The following TASP1 variants were observed in gnomAD, a reference collection of about 807,000 sequenced individuals.
TASP1 encodes the protein taspase 1.
A neutral mutation model predicts 56.6 loss-of-function variants in TASP1; 16 were observed. The observed-to-expected ratio is 0.28, with a 90% confidence interval of 0.19 to 0.43. The LOEUF (loss-of-function observed/expected upper bound fraction) is 0.43, where lower values mean the gene tolerates loss of function less well. Ranked by LOEUF, TASP1 falls within the 20% of genes least tolerant of loss-of-function variation. The pLI, the probability that TASP1 is intolerant of heterozygous loss-of-function variation, is 1.00. For missense variants in TASP1, 393 were observed against 511.6 expected, an observed-to-expected ratio of 0.77 and a Z score of 2.24; for synonymous variants, 179 against 184.2, an observed-to-expected ratio of 0.97 and a Z score of 0.23.
chr20:13,542,047 A>G (rs944372844), intron 8 of TASP1, among the ~76,000 whole-genome samples: 13 of 148,514 alleles, frequency 8.8e-5, no homozygotes, highest in Admixed American at 7.4e-4. Flanking sequence ...TCCGTCTCCA[A>G]AAAAAAAAAA....
intron 8 of TASP1, among the ~76,000 whole-genome samples, chr20:13,551,382 A>G (rs1186795146): frequency 6.6e-6 from 1 of 152,178 alleles, no homozygotes; most frequent in African/African-American, 2.4e-5. Flanking sequence ...GAGGCAAATA[A>G]TTATGTACAT....
chr20:13,384,796 C>T (rs1175479171), downstream of TASP1, among the ~76,000 whole-genome samples: 4 of 152,194 alleles, frequency 2.6e-5, no homozygotes, highest in African/African-American at 9.7e-5. Context: ...ACAACTTAAT[C>T]ATACACATTA....
At chr20:13,360,477 C>G in the TASP1 span, among the ~76,000 whole-genome samples, 34 of 152,162 alleles carry the variant, frequency 2.2e-4, no homozygotes, top group African/African-American at 8.2e-4. Flanking sequence ...CAACTCCTTT[C>G]CTTCCTAGGC....
chr20:13,279,842 G>T, the TASP1 span: 1 of 1,613,892 alleles, frequency 6.2e-7, no homozygotes, highest in Non-Finnish European at 8.5e-7. Context: ...CCCAGGGGGT[G>T]GGACCATACA....
the TASP1 span, among the ~76,000 whole-genome samples, chr20:13,237,381 C>T: frequency 3.3e-5 from 5 of 152,198 alleles, no homozygotes; most frequent in Admixed American, 2.0e-4. Flanking sequence ...GTTAAGTGTA[C>T]ACAGTGGGAA....
At chr20:13,196,291 G>C in the TASP1 span, among the ~76,000 whole-genome samples, 1 of 152,128 alleles carries the variant, frequency 6.6e-6, no homozygotes, top group Non-Finnish European at 1.5e-5. Flanking sequence ...TATTATGCGA[G>C]TATTTTAAAA....
chr20:13,554,245 T>C (rs1185946185), intron 8 of TASP1, among the ~76,000 whole-genome samples: 1 of 152,150 alleles, frequency 6.6e-6, no homozygotes, highest in African/African-American at 2.4e-5. Flanking sequence ...TCCAAACTTA[T>C]TACTATGTGG....
intron 10 of TASP1, among the ~76,000 whole-genome samples, chr20:13,517,323 C>T (rs2044578380): frequency 6.6e-6 from 1 of 151,974 alleles, no homozygotes; most frequent in South Asian, 2.1e-4. Context: ...TTGCATGAGG[C>T]CAATTACAAG....
the TASP1 span, among the ~76,000 whole-genome samples, chr20:13,179,007 T>A: frequency 3.3e-5 from 5 of 152,162 alleles, no homozygotes. Context: ...ATACTTTATA[T>A]GTATCCAAAC....
chr20:13,572,601 G>A (rs1470463246), intron 6 of TASP1, among the ~76,000 whole-genome samples: 6 of 146,776 alleles, frequency 4.1e-5, no homozygotes, highest in Non-Finnish European at 5.9e-5. Context: ...CAGGAGAACC[G>A]CTTGAACTCG....
intron 8 of TASP1, among the ~76,000 whole-genome samples, chr20:13,534,738 A>T (rs2045350811): frequency 6.6e-6 from 1 of 152,138 alleles, no homozygotes; most frequent in Non-Finnish European, 1.5e-5. Context: ...TATGGCAGAA[A>T]AGTGTACGTT....
intron 10 of TASP1, 83 bp from the exon 11 acceptor site, chr20:13,483,420 G>A (rs2043211707): frequency 8.2e-6 from 7 of 856,716 alleles, no homozygotes; most frequent in African/African-American, 1.7e-5. Flanking sequence ...ACACCCTTAT[G>A]CATCATTTAA....
intron 11 of TASP1, among the ~76,000 whole-genome samples, chr20:13,455,478 T>C (rs1217605322): frequency 1.3e-5 from 2 of 152,098 alleles, no homozygotes; most frequent in African/African-American, 4.8e-5. Flanking sequence ...TCAATTCTAC[T>C]AAAGTTGAAG....
intron 10 of TASP1, among the ~76,000 whole-genome samples, chr20:13,507,932 C>T (rs6033743): frequency 0.99 from 151,016 of 152,268 alleles, 74,896 homozygotes; most frequent in Middle Eastern, 1. Context: ...CCCACACATA[C>T]GCAGTCAACT....
chr20:13,195,937 G>C, the TASP1 span, among the ~76,000 whole-genome samples: 1 of 152,102 alleles, frequency 6.6e-6, no homozygotes. Flanking sequence ...CTCCAGAAAA[G>C]ATAAAACACA....
chr20:13,329,958 CT>C, the TASP1 span, among the ~76,000 whole-genome samples: 11,187 of 144,490 alleles, frequency 0.077, 570 homozygotes, highest in East Asian at 0.16. Context: ...TGTCAAATTC[CT>C]TTTTTTTTTT....
rs71334135 is a variant in TASP1, at chr20:13,588,250, AAAGGAAGGAAGGAAGGAAGGAAGG to A, written c.283-904_283-881del. Among the ~76,000 whole-genome samples, 538 of 96,634 alleles carry A rather than the reference AAAGGAAGGAAGGAAGGAAGGAAGG, an allele frequency of 5.6e-3. 1 individual carries two copies. Among genetic ancestry groups the A allele is most frequent in the East Asian group, 0.016 (58 of 3,546 alleles). 63.4% of individuals were successfully genotyped at this position (96,634 alleles called of 152,430 possible). On this transcript the variant is annotated intron_variant, in intron 4 of 13. Transcript: ENST00000337743. ...AAAAAGGAGAAAGAAAGAAAGGAAG[AAAGGAAGGAAGGAAGGAAGGAAGG>A]AAGGAAGGAAGGAAGGAAGGAAGGA...
chr20:13,412,925 T>C (rs566369648), intron 13 of TASP1, among the ~76,000 whole-genome samples: 2 of 152,292 alleles, frequency 1.3e-5, no homozygotes, highest in East Asian at 3.9e-4. Flanking sequence ...TATCATATCA[T>C]ATCACAGGAA....
the TASP1 span, among the ~76,000 whole-genome samples, chr20:13,111,098 AAAT>A: frequency 1.3e-5 from 2 of 152,130 alleles, no homozygotes; most frequent in Non-Finnish European, 2.9e-5. Context: ...CCCAACTCTA[AAAT>A]AATAATAATA....
Sources: gnomAD v4.1 joint callset for allele counts (sites outside exome capture counted in the v4.1 genomes callset) on GRCh38, gnomAD v4.1.1 for gene constraint, MANE v1.5 for transcripts, NCBI Gene and HGNC (gene_info 2026-07-23, HGNC 2026-07-21) for gene names.